The following GTF2F2 variants were observed in gnomAD, a reference collection of about 807,000 sequenced individuals.
The protein encoded by GTF2F2 is ATP-dependent helicase GTF2F2.
In GTF2F2, 23 loss-of-function variants were observed where a neutral mutation model predicts 42.2. The observed-to-expected ratio is 0.55, with a 90% CI of 0.39 to 0.77. The LOEUF (loss-of-function observed/expected upper bound fraction) is 0.77. Among genes scored for constraint, GTF2F2 ranks in the 30% least tolerant of loss-of-function variants. The probability of loss-of-function intolerance (pLI) is 0.00; values close to 1 mark genes in which losing one functional copy is unlikely to be tolerated. For synonymous variants in GTF2F2, 105 were observed against 100.8 expected, an observed-to-expected ratio of 1.04 and a Z score of -0.25; for missense variants, 261 against 287.2, an observed-to-expected ratio of 0.91 and a Z score of 0.66.
chr13:45,273,655 A>ATTTTTTTTTTTTTTTTTTTT (rs773254844), intron 7 of GTF2F2, among the ~76,000 whole-genome samples: 16 of 123,870 alleles, frequency 1.3e-4, no homozygotes, highest in Admixed American at 1.6e-4. Flanking sequence ...GAGTGGTAAA[A>ATTTTTTTTTTTTTTTTTTTT]TTTTTTTTTT....
chr13:45,184,006 C>T (rs142988732), intron 4 of GTF2F2, among the ~76,000 whole-genome samples: 1 of 152,128 alleles, frequency 6.6e-6, no homozygotes, highest in East Asian at 1.9e-4. Flanking sequence ...CAAGTGTGCA[C>T]TACCAACCCT....
intron 6 of GTF2F2, among the ~76,000 whole-genome samples, chr13:45,264,294 A>AT (rs1467131324): frequency 6.9e-6 from 1 of 144,716 alleles, no homozygotes; most frequent in Non-Finnish European, 1.5e-5. Flanking sequence ...TTATTTTTTT[A>AT]TTTTTTTGAG....
At chr13:45,133,793 C>A (rs114818565) in intron 1 of GTF2F2, among the ~76,000 whole-genome samples, 2,466 of 152,308 alleles carry the variant, frequency 0.016, 34 homozygotes, top group African/African-American at 0.04. Context: ...TGTAAGCCTG[C>A]TTCAAGCTAG....
chr13:45,189,329 T>C (rs1407939835), intron 4 of GTF2F2, among the ~76,000 whole-genome samples: 8 of 152,220 alleles, frequency 5.3e-5, no homozygotes, highest in Non-Finnish European at 1.2e-4. Flanking sequence ...TGGTTCCAAG[T>C]CTTTGCTATT....
At chr13:45,124,202 C>A (rs1255692251) in intron 1 of GTF2F2, 2 of 395,530 alleles carry the variant, frequency 5.1e-6, no homozygotes, top group East Asian at 1.0e-4. Flanking sequence ...CCTGCCTCAG[C>A]CTCCCGAGTA....
intron 5 of GTF2F2, among the ~76,000 whole-genome samples, chr13:45,233,861 C>T (rs988755509): frequency 1.7e-4 from 26 of 152,024 alleles, no homozygotes; most frequent in African/African-American, 5.3e-4. Flanking sequence ...TGCAGTGAAC[C>T]GAGATCATGC....
At chr13:45,148,600 C>G (rs1263346620) in intron 2 of GTF2F2, among the ~76,000 whole-genome samples, 1 of 152,138 alleles carries the variant, frequency 6.6e-6, no homozygotes, top group Non-Finnish European at 1.5e-5. Flanking sequence ...ATGGCTTCTT[C>G]CTGTCTGATC....
intron 1 of GTF2F2, among the ~76,000 whole-genome samples, chr13:45,124,454 T>C (rs908183230): frequency 6.6e-6 from 1 of 150,550 alleles, no homozygotes; most frequent in East Asian, 2.1e-4. Context: ...CGCAGCACTT[T>C]GGGAGGCCGA....
chr13:45,231,901 T>C (rs1162684517), intron 5 of GTF2F2, among the ~76,000 whole-genome samples: 3 of 152,234 alleles, frequency 2.0e-5, no homozygotes, highest in Non-Finnish European at 2.9e-5. Context: ...TTAGTCACCA[T>C]AGCAACATTG....
At position 45,213,604 on chromosome 13, in the gene GTF2F2, AG is replaced by A. The variant is rs1371754893; in HGVS notation, c.386+6100del. Among the ~76,000 whole-genome samples the A allele has an allele frequency of 2.6e-5, 4 of 152,170 alleles. No homozygotes were observed. In the East Asian group the frequency reaches 7.7e-4, roughly 29 times the overall value. On this transcript the variant is annotated intron_variant, in intron 5 of 7. Coordinates refer to ENST00000340473, the MANE Select transcript of GTF2F2 (RefSeq NM_004128.3). ...TCTACAACATTATAAACTTCATGAG[AG>A]CAGAGACTATGAGTTTTATTTTTCT...
rs1222117371 is a variant in GTF2F2 at position 45,264,551 on chromosome 13, G to A, written c.487-2682G>A. On this transcript the variant is annotated intron_variant, in intron 6 of 7. Transcript: ENST00000340473. ...TCCCAAAGTTGCTGGGATTACAGGCGTGAGCCACTGCGCCTGGCCCCATGA... is the reference window on the plus strand; with the variant it reads ...TCCCAAAGTTGCTGGGATTACAGGCATGAGCCACTGCGCCTGGCCCCATGA... Among the ~76,000 whole-genome samples, 4 of 152,122 alleles carry A rather than the reference G, an allele frequency of 2.6e-5. No individual in the cohort carries two copies. In the East Asian group the frequency reaches 5.8e-4, roughly 22 times the overall value.
intron 5 of GTF2F2, among the ~76,000 whole-genome samples, chr13:45,227,891 G>A (rs538641802): frequency 1.3e-5 from 2 of 152,270 alleles, no homozygotes; most frequent in Admixed American, 6.5e-5. Context: ...CTGGGGAGGT[G>A]ATGGCCCAAG....
chr13:45,170,585 T>C (rs1032081329), intron 4 of GTF2F2, among the ~76,000 whole-genome samples: 1 of 152,216 alleles, frequency 6.6e-6, no homozygotes, highest in African/African-American at 2.4e-5. Flanking sequence ...CAGAATATTT[T>C]CCCCTTGAAA....
intron 5 of GTF2F2, among the ~76,000 whole-genome samples, chr13:45,224,441 A>G (rs754005220): frequency 6.6e-6 from 1 of 152,198 alleles, no homozygotes; most frequent in Non-Finnish European, 1.5e-5. Flanking sequence ...CAGAGCTGTC[A>G]TGTTTGGCCC....
At chr13:45,263,319 C>G (rs1300109475) in intron 6 of GTF2F2, among the ~76,000 whole-genome samples, 1 of 151,990 alleles carries the variant, frequency 6.6e-6, no homozygotes, top group Admixed American at 6.6e-5. Flanking sequence ...GCTCCGCCTC[C>G]CAAGGTTCAC....
intron 5 of GTF2F2, among the ~76,000 whole-genome samples, chr13:45,230,077 G>A (rs1039763352): frequency 1.3e-5 from 2 of 152,024 alleles, no homozygotes; most frequent in Non-Finnish European, 2.9e-5. Context: ...TTAGCCGGAC[G>A]TGGTGGCACA....
chr13:45,175,705 C>G (rs1871844840), intron 4 of GTF2F2, among the ~76,000 whole-genome samples: 1 of 152,184 alleles, frequency 6.6e-6, no homozygotes, highest in East Asian at 1.9e-4. Context: ...TCACTGCAAC[C>G]TCTGCCTCCC....
chr13:45,139,767 A>G (rs755238225), intron 2 of GTF2F2, among the ~76,000 whole-genome samples: 13 of 152,120 alleles, frequency 8.5e-5, no homozygotes, highest in Non-Finnish European at 1.5e-4. Flanking sequence ...GATGATTACT[A>G]TATCTCCATT....
rs1024069880 is a variant in GTF2F2, at chr13:45,130,319, T to C, written c.67-6414T>C. 5.3e-5 allele frequency among the ~76,000 whole-genome samples: 8 copies of C among 152,234 alleles called. No homozygotes were observed. The East Asian group carries it at 1.2e-3, about 22-fold the overall frequency. On this transcript the variant is annotated intron_variant, in intron 1 of 7. Transcript: ENST00000340473. The stretch of plus-strand genomic sequence containing the variant: ...AAATAGAATGATGATAGGGCTGTTA[T>C]AAGGATTAAATGGAGTAATATTTGT...
Sources: gnomAD v4.1 joint callset for allele counts (sites outside exome capture counted in the v4.1 genomes callset) on GRCh38, gnomAD v4.1.1 for gene constraint, MANE v1.5 for transcripts, NCBI Gene and HGNC (gene_info 2026-07-23, HGNC 2026-07-21) for gene names.